The following LAMA3 variants were observed in gnomAD, a reference collection of about 807,000 sequenced individuals.
The protein encoded by LAMA3 is laminin subunit alpha-3.
Under a neutral mutation model 402.0 loss-of-function variants are expected in LAMA3, and 281 were observed. That is an observed-to-expected ratio of 0.70 (90% confidence interval 0.63 to 0.77). The LOEUF is 0.77. LAMA3 is among the 30% of genes least tolerant of loss of function. LAMA3 has a pLI of 0.00. For missense variants in LAMA3, 3,840 were observed against 4,215.5 expected (o/e 0.91, Z 2.47); for synonymous variants, 1,431 against 1,558.4 (o/e 0.92, Z 1.93).
At chr18:23,927,451 G>C (rs111401118) in intron 62 of LAMA3, among the ~76,000 whole-genome samples, 7,682 of 152,278 alleles carry the variant, frequency 0.05, 266 homozygotes, top group Admixed American at 0.077. Flanking sequence ...TTACAGGCAT[G>C]AGCCACCCCA....
At chr18:23,731,911 T>G (rs374419281) in intron 2 of LAMA3, among the ~76,000 whole-genome samples, 105 of 152,104 alleles carry the variant, frequency 6.9e-4, no homozygotes, top group African/African-American at 2.4e-3. Context: ...GGATCTAAAG[T>G]AAAAGTTGAA....
chr18:23,867,007 A>G (rs529724597), intron 36 of LAMA3, among the ~76,000 whole-genome samples: 1 of 152,324 alleles, frequency 6.6e-6, no homozygotes, highest in African/African-American at 2.4e-5. Flanking sequence ...TGCCCTGTTA[A>G]GATGCACATG....
chr18:23,894,928 C>G lies in LAMA3; in HGVS notation c.5483C>G (p.Thr1828Ser). 3.1e-6 allele frequency: 5 copies of G among 1,614,196 alleles called. No homozygotes were observed. Among genetic ancestry groups the G allele is most frequent in the Middle Eastern group, 1.6e-4 (1 of 6,062 alleles). Residue 1828 changes from threonine to serine, a missense_variant, in exon 44 of 75, where the codon ACC becomes AGC. By Grantham distance (58) the Thr-to-Ser change is moderately conservative. Around this residue, in one of 3 missense-constraint regions of LAMA3, gnomAD observed 891 missense variants for 857.5 expected, o/e 1.04. Coordinates refer to ENST00000313654, the MANE Select transcript of LAMA3 (RefSeq NM_198129.4). The stretch of plus-strand genomic sequence containing the variant: ...ACAGATTGCGACAGCTGTGTGATGA[C>G]CCTCCTGAACGACCTGGCCACCATG... The part of the protein sequence containing the change: ...ECDDCDSCVM[T>S]LLNDLATMGE...
At chr18:23,796,123 T>C in intron 12 of LAMA3, 1 of 428,274 alleles carries the variant, frequency 2.3e-6, no homozygotes. Flanking sequence ...CCTCCAGAAC[T>C]GGAGAAATAA....
chr18:23,826,759 G>A lies in LAMA3; in HGVS notation c.2629G>A (p.Val877Ile). ...YYEASVLQLPVTEPCAYAGPP... is the reference protein window; with the variant it reads ...YYEASVLQLPITEPCAYAGPP... The stretch of plus-strand genomic sequence containing the variant: ...TGAAGCCTCTGTACTGCAGCTGCCA[G>A]TCACAGAACCATGTGCCTACGCAGG... The change falls in exon 22 of 75, where the codon GTC becomes ATC. Residue 877 changes from valine (V) to isoleucine (I), a missense_variant. This residue lies in a region of LAMA3 where 2,109 missense variants were observed against 2,376.0 expected (regional missense o/e 0.89). Coordinates refer to ENST00000313654, the MANE Select transcript of LAMA3 (RefSeq NM_198129.4). The A allele has an allele frequency of 6.4e-7, 1 of 1,568,064 alleles. No homozygotes were observed. The highest frequency in any genetic ancestry group is 1.2e-5 in the South Asian group (1 of 85,260).
At chr18:23,867,812 A>G in intron 36 of LAMA3, 22 bp from the exon 37 acceptor site, 2 of 1,579,222 alleles carry the variant, frequency 1.3e-6, no homozygotes, top group Non-Finnish European at 1.7e-6. Context: ...GTACTAACAC[A>G]TTCATGGTTT....
intron 48 of LAMA3, among the ~76,000 whole-genome samples, chr18:23,902,384 A>G (rs2081102133): frequency 6.6e-6 from 1 of 152,220 alleles, no homozygotes. Context: ...TAGGGTTACA[A>G]AACAACAGTA....
At chr18:23,711,439 T>C (rs1205378501) in intron 1 of LAMA3, among the ~76,000 whole-genome samples, 1 of 152,218 alleles carries the variant, frequency 6.6e-6, no homozygotes, top group Non-Finnish European at 1.5e-5. Flanking sequence ...GCAGAGGGAC[T>C]GCTATATCAG....
chr18:23,827,161 A>T (rs989458393), intron 22 of LAMA3, among the ~76,000 whole-genome samples, 153 bp from the exon 23 acceptor site: 3 of 152,222 alleles, frequency 2.0e-5, no homozygotes, highest in Admixed American at 1.3e-4. Context: ...TTATTGCTTA[A>T]TTCTTGTAGC....
chr18:23,844,869 T>C, intron 29 of LAMA3, 140 bp from the exon 30 acceptor site: 1 of 693,392 alleles, frequency 1.4e-6, no homozygotes, highest in South Asian at 1.6e-5. Flanking sequence ...GAGCATCATG[T>C]CAGTGCTCAA....
At position 23,954,510 on chromosome 18, in the gene LAMA3, G is replaced by T. The variant is rs535097786; in HGVS notation, c.9864G>T (p.Leu3288Phe). 5.6e-6 allele frequency: 9 copies of T among 1,612,094 alleles called. 1 individual carries two copies. The South Asian group carries it at 9.9e-5, about 18-fold the overall frequency. The part of the protein sequence containing the change: ...PLHLGGAPAN[L>F]TTLRIPVWKS... Reference sequence around the variant, plus strand: ...CTCCACTTTCTCTTTCAGCCAATTTGACGACACTGAGGATCCCTGTGTGGA... The same window carrying T: ...CTCCACTTTCTCTTTCAGCCAATTTTACGACACTGAGGATCCCTGTGTGGA... The change falls in exon 75 of 75, where the codon TTG (leucine) becomes TTT (phenylalanine). Residue 3288 changes from leucine to phenylalanine, a missense_variant. Physicochemically the swap from Leu to Phe is conservative, Grantham distance 22 (BLOSUM62 0). Coordinates refer to ENST00000313654, the MANE Select transcript of LAMA3 (RefSeq NM_198129.4).
intron 32 of LAMA3, among the ~76,000 whole-genome samples, chr18:23,851,581 T>C (rs539070546): frequency 6.6e-6 from 1 of 152,322 alleles, no homozygotes; most frequent in South Asian, 2.1e-4. Flanking sequence ...CCAGTAAGTA[T>C]TAGCTGTTGT....
chr18:23,801,624 G>A (rs529390138), intron 12 of LAMA3, among the ~76,000 whole-genome samples: 5 of 152,268 alleles, frequency 3.3e-5, no homozygotes, highest in African/African-American at 1.2e-4. Context: ...CCTCCATACT[G>A]TTTTCCATAA....
At chr18:23,873,192 T>G in intron 38 of LAMA3, 1 of 1,614,180 alleles carries the variant, frequency 6.2e-7, no homozygotes, top group Non-Finnish European at 8.5e-7. Flanking sequence ...GCAAGCGAGT[T>G]ATGTGGAGTT....
chr18:23,921,805 G>T (rs182182573), intron 62 of LAMA3, among the ~76,000 whole-genome samples: 26 of 152,320 alleles, frequency 1.7e-4, no homozygotes, highest in Non-Finnish European at 2.9e-4. Flanking sequence ...GTGTGTCACC[G>T]CCATTGTCAT....
At chr18:23,806,683 C>G (rs1040032902) in intron 12 of LAMA3, among the ~76,000 whole-genome samples, 1 of 152,210 alleles carries the variant, frequency 6.6e-6, no homozygotes, top group Non-Finnish European at 1.5e-5. Context: ...TCTATGCCCC[C>G]ACTTTAACAG....
chr18:23,865,650 G>C (rs1447881813), intron 36 of LAMA3, among the ~76,000 whole-genome samples: 1 of 152,178 alleles, frequency 6.6e-6, no homozygotes, highest in Non-Finnish European at 1.5e-5. Context: ...CTCAGTGCTG[G>C]GGTCTGGGTA....
intron 55 of LAMA3, 49 bp from the exon 56 acceptor site, chr18:23,912,662 A>C: frequency 6.6e-7 from 1 of 1,517,286 alleles, no homozygotes; most frequent in Non-Finnish European, 9.2e-7. Context: ...GAGCACACCT[A>C]CTTTCTTCAC....
chr18:23,706,549 G>C (rs2060893082), intron 1 of LAMA3, among the ~76,000 whole-genome samples: 1 of 152,152 alleles, frequency 6.6e-6, no homozygotes, highest in Non-Finnish European at 1.5e-5. Flanking sequence ...TGGTGATGGT[G>C]AACATTTCTT....
Sources: gnomAD v4.1 joint callset for allele counts (sites outside exome capture counted in the v4.1 genomes callset) on GRCh38, gnomAD v4.1.1 for gene constraint, gnomAD v4.1.1 regional missense constraint, MANE v1.5 for transcripts, NCBI Gene and HGNC (gene_info 2026-07-23, HGNC 2026-07-21) for gene names.